DMTF1: variants seen among roughly 807,000 people sequenced by gnomAD.
The protein encoded by DMTF1 is cyclin-D-binding Myb-like transcription factor 1.
DMTF1 carries 39 observed loss-of-function variants against 91.1 expected under a neutral mutation model. The observed-to-expected ratio is 0.43, with a 90% CI of 0.33 to 0.56. The LOEUF is 0.56. Among genes scored for constraint, DMTF1 ranks in the 20% least tolerant of loss-of-function variants. The pLI, the probability that DMTF1 is intolerant of heterozygous loss-of-function variation, is 0.05. For synonymous variants in DMTF1, 338 were observed against 309.5 expected, an observed-to-expected ratio of 1.09 and a Z score of -0.97; for missense variants, 750 against 914.5, an observed-to-expected ratio of 0.82 and a Z score of 2.32.
intron 6 of DMTF1, among the ~76,000 whole-genome samples, chr7:87,174,109 AAAGG>A (rs776360820): frequency 4.9e-4 from 75 of 152,328 alleles, no homozygotes; most frequent in Non-Finnish European, 8.4e-4. Context: ...TGAAGTACAG[AAAGG>A]AAGCAGAAAA....
intron 10 of DMTF1, among the ~76,000 whole-genome samples, chr7:87,182,970 C>A (rs1414020097): frequency 6.6e-6 from 1 of 152,012 alleles, no homozygotes; most frequent in Non-Finnish European, 1.5e-5. Flanking sequence ...TGTCATTTAA[C>A]CTTTCTGAGC....
At chr7:87,190,760 G>A (rs1028925873) in intron 13 of DMTF1, among the ~76,000 whole-genome samples, 185 bp from the exon 14 acceptor site, 3 of 152,038 alleles carry the variant, frequency 2.0e-5, no homozygotes, top group African/African-American at 7.2e-5. Flanking sequence ...TGCACTATAT[G>A]TCATGCAAGA....
chr7:87,184,324 T>G, intron 10 of DMTF1, 73 bp from the exon 11 acceptor site: 1 of 1,414,772 alleles, frequency 7.1e-7, no homozygotes. Flanking sequence ...CTATCAGTCC[T>G]TGTAAATAGA....
At chr7:87,179,054 T>G (rs1796830063) in intron 7 of DMTF1, among the ~76,000 whole-genome samples, 2 of 152,048 alleles carry the variant, frequency 1.3e-5, no homozygotes, top group South Asian at 4.1e-4. Flanking sequence ...CTGTTAATGG[T>G]CTAATCTCTG....
chr7:87,183,702 G>T (rs143949981), intron 10 of DMTF1, among the ~76,000 whole-genome samples: 1,816 of 151,916 alleles, frequency 0.012, 23 homozygotes, highest in Non-Finnish European at 0.015. Context: ...TAAAGAAGAT[G>T]AAAAAAAATG....
chr7:87,195,137 T>C lies in DMTF1; in HGVS notation c.2280T>C (p.His760=). 1.9e-6 allele frequency: 3 copies of C among 1,603,144 alleles called. No homozygotes were observed. The highest frequency in any genetic ancestry group is 2.6e-6 in the Non-Finnish European group (3 of 1,170,860). The change falls in exon 18 of 18, where the codon CAT becomes CAC. Residue 760 remains histidine (H), a synonymous_variant. Coordinates refer to ENST00000331242, the MANE Select transcript of DMTF1 (RefSeq NM_001142327.2). The part of the protein sequence containing the change: ...SKDVEDLVNC[H] ...ATGTCGAAGATTTGGTAAACTGTCA[T>C]TAGAATAATTCTTAGAAATAGGCAG...
chr7:87,182,392 C>A, intron 10 of DMTF1, 55 bp downstream of exon 10: 1 of 1,550,438 alleles, frequency 6.4e-7, no homozygotes, highest in Non-Finnish European at 8.9e-7. Context: ...CCTCCTGCCC[C>A]TTAGGATACT....
At chr7:87,193,669 A>G in intron 15 of DMTF1, 56 bp from the exon 16 acceptor site, 1 of 1,435,514 alleles carries the variant, frequency 7.0e-7, no homozygotes, top group Non-Finnish European at 9.5e-7. Flanking sequence ...ACAGTGAGGT[A>G]CCCCCATAAA....
In DMTF1 at chr7:87,162,567, C is replaced by T. The variant is rs536037321; in HGVS notation, c.-131-928C>T. On this transcript the variant is annotated intron_variant, in intron 1 of 17. Coordinates refer to ENST00000331242, the MANE Select transcript of DMTF1 (RefSeq NM_001142327.2). ...GAAGTTTATGGATGATTTTAACCTT[C>T]TTTTTTTTACTTTTTTACATTTCTT... Among the ~76,000 whole-genome samples the T allele has an allele frequency of 3.8e-3, 573 of 152,064 alleles. 2 individuals carry two copies. Among genetic ancestry groups the T allele is most frequent in the African/African-American group, 0.013 (527 of 41,462 alleles).
chr7:87,173,981 C>T (rs1295635931), intron 6 of DMTF1, among the ~76,000 whole-genome samples: 2 of 152,110 alleles, frequency 1.3e-5, no homozygotes, highest in African/African-American at 4.8e-5. Flanking sequence ...GGTCTACTAA[C>T]TTTGGTCTGA....
At chr7:87,168,714 T>C (rs1272813433) in intron 4 of DMTF1, among the ~76,000 whole-genome samples, 1 of 152,162 alleles carries the variant, frequency 6.6e-6, no homozygotes, top group East Asian at 1.9e-4. Flanking sequence ...TAGAGAAAAA[T>C]GGCACAAGCA....
At chr7:87,191,345 C>G (rs975404559) in intron 14 of DMTF1, among the ~76,000 whole-genome samples, 1 of 152,030 alleles carries the variant, frequency 6.6e-6, no homozygotes, top group African/African-American at 2.4e-5. Flanking sequence ...AGCAATTTAA[C>G]AACATTCATT....
At chr7:87,162,955 A>G (rs1792860645) in intron 1 of DMTF1, 1 of 151,920 alleles carries the variant, frequency 6.6e-6, no homozygotes, top group Admixed American at 6.6e-5. Context: ...TTTCTGGCCT[A>G]ATTGTTTAAG....
At chr7:87,170,566 T>C (rs1794837406) in intron 4 of DMTF1, among the ~76,000 whole-genome samples, 1 of 152,212 alleles carries the variant, frequency 6.6e-6, no homozygotes, top group South Asian at 2.1e-4. Flanking sequence ...GAGATACCTG[T>C]AAAACTAGCT....
Position 87,180,856 on chromosome 7 carries a change from CTTTTTTTTT to C in DMTF1, c.678-440_678-432del, listed in dbSNP as rs397889347. 2.3e-5 allele frequency among the ~76,000 whole-genome samples: 3 copies of C among 127,670 alleles called. No homozygotes were observed. In the Admixed American group the frequency reaches 2.4e-4, roughly 10 times the overall value. The allele number at this position is 127,670 out of a possible 152,430, so 83.8% of individuals were successfully genotyped here. On this transcript the variant is annotated intron_variant, in intron 8 of 17. Transcript: ENST00000331242. ...TAAAAATAGAAGCATTTATTTTCAA[CTTTTTTTTT>C]TTTTTTTTTTTTGAGACAGAGTCTG...
chr7:87,177,457 T>C (rs1232608701), intron 7 of DMTF1, among the ~76,000 whole-genome samples: 1 of 152,184 alleles, frequency 6.6e-6, no homozygotes, highest in Non-Finnish European at 1.5e-5. Flanking sequence ...AGTTAACTTT[T>C]GTTTAACTTA....
Position 87,179,692 on chromosome 7 carries a change from C to T in DMTF1, c.667C>T (p.His223Tyr), listed in dbSNP as rs1366731243. The part of the protein sequence containing the change: ...RVLRMYDDRN[H>Y]VGKYTPEEIE... The stretch of plus-strand genomic sequence containing the variant: ...GCTTCGCATGTATGATGACAGAAAC[C>T]ATGTGGGAAAGTATGAGAACTTGTA... The change falls in exon 8 of 18, where the codon CAT becomes TAT. Residue 223 changes from histidine (H) to tyrosine (Y), a missense_variant. Physicochemically the swap from His to Tyr is moderately conservative, Grantham distance 83. Transcript: ENST00000331242. 6.4e-7 allele frequency: 1 copy of T among 1,572,440 alleles called. No homozygotes were observed. Among genetic ancestry groups the T allele is most frequent in the Non-Finnish European group, 8.6e-7 (1 of 1,165,966 alleles).
chr7:87,187,977 A>AT (rs1395407111), intron 12 of DMTF1, 115 bp from the exon 13 acceptor site: 1 of 696,664 alleles, frequency 1.4e-6, no homozygotes, highest in Non-Finnish European at 2.5e-6. Flanking sequence ...CACATCCAGT[A>AT]TGCAGTTATT....
chr7:87,175,980 T>C (rs1012091392), intron 7 of DMTF1, among the ~76,000 whole-genome samples: 11 of 152,198 alleles, frequency 7.2e-5, no homozygotes, highest in African/African-American at 2.7e-4. Context: ...TGGCCATCTC[T>C]GTAATGGAGT....
Sources: allele counts gnomAD v4.1 joint callset (sites outside exome capture counted in the v4.1 genomes callset), GRCh38; gene constraint gnomAD v4.1.1; transcripts MANE v1.5; gene names NCBI Gene and HGNC (gene_info 2026-07-23, HGNC 2026-07-21).